The following GLIS3 variants were observed in gnomAD, a reference collection of about 807,000 sequenced individuals.
GLIS3 encodes GLIS family zinc finger 3.
Under a neutral mutation model 78.6 loss-of-function variants are expected in GLIS3, and 53 were observed. The observed-to-expected ratio is 0.67, with a 90% CI of 0.54 to 0.85. The LOEUF is 0.85. GLIS3 is among the 40% of genes least tolerant of loss of function. GLIS3 has a pLI of 0.00. For missense variants in GLIS3, 1,703 were observed against 1,231.1 expected, an observed-to-expected ratio of 1.38 and a Z score of -5.74; for synonymous variants, 684 against 509.9, an observed-to-expected ratio of 1.34 and a Z score of -4.60.
At chr9:4,259,366 G>C (rs924536564) in intron 2 of GLIS3, among the ~76,000 whole-genome samples, 1 of 151,926 alleles carries the variant, frequency 6.6e-6, no homozygotes, top group Non-Finnish European at 1.5e-5. Context: ...TTTACATATG[G>C]GGGATTGAAA....
chr9:4,109,424 G>C (rs1208227249), intron 4 of GLIS3, among the ~76,000 whole-genome samples: 1 of 152,166 alleles, frequency 6.6e-6, no homozygotes, highest in South Asian at 2.1e-4. Flanking sequence ...GTCTGCAACA[G>C]AAAATGCTTT....
the GLIS3 span, among the ~76,000 whole-genome samples, chr9:4,425,358 C>T: frequency 6.6e-6 from 1 of 152,182 alleles, no homozygotes; most frequent in Non-Finnish European, 1.5e-5. Flanking sequence ...CCAGCCTCTA[C>T]CACAGCTATT....
intron 4 of GLIS3, among the ~76,000 whole-genome samples, chr9:4,306,369 A>G (rs982721342): frequency 1.3e-5 from 2 of 152,182 alleles, no homozygotes; most frequent in Non-Finnish European, 2.9e-5. Context: ...ATTATGCAAG[A>G]GAAATTCCAT....
intron 4 of GLIS3, among the ~76,000 whole-genome samples, chr9:4,005,177 A>T (rs1010428440): frequency 9.2e-5 from 14 of 152,170 alleles, no homozygotes; most frequent in African/African-American, 3.4e-4. Flanking sequence ...GTTGTAAGAG[A>T]GTAAATTGGT....
chr9:4,392,188 G>C, the GLIS3 span, among the ~76,000 whole-genome samples: 6 of 151,356 alleles, frequency 4.0e-5, no homozygotes, highest in African/African-American at 7.3e-5. Flanking sequence ...ATCGCTGAAC[G>C]ATGAGAGCAC....
chr9:4,325,222 C>T (rs1314912799), intron 2 of GLIS3, among the ~76,000 whole-genome samples: 1 of 152,086 alleles, frequency 6.6e-6, no homozygotes, highest in Admixed American at 6.5e-5. Context: ...CATTTTTTCT[C>T]CTGTATGTTT....
intron 2 of GLIS3, among the ~76,000 whole-genome samples, chr9:4,234,301 A>G (rs1448184169): frequency 1.3e-5 from 2 of 152,188 alleles, no homozygotes; most frequent in East Asian, 3.9e-4. Flanking sequence ...TTAAAGTGAG[A>G]TATGTGCGAC....
At chr9:3,862,552 T>C (rs775178377) in intron 8 of GLIS3, among the ~76,000 whole-genome samples, 1 of 152,210 alleles carries the variant, frequency 6.6e-6, no homozygotes, top group African/African-American at 2.4e-5. Flanking sequence ...TACTAATAGA[T>C]TGTGTTACCA....
chr9:4,359,771 G>A, the GLIS3 span, among the ~76,000 whole-genome samples: 32 of 152,048 alleles, frequency 2.1e-4, no homozygotes, highest in Non-Finnish European at 1.5e-4. Context: ...GAACTGAGAG[G>A]TACACACTGC....
At chr9:4,101,054 C>T (rs138314285) in intron 4 of GLIS3, among the ~76,000 whole-genome samples, 429 of 152,276 alleles carry the variant, frequency 2.8e-3, no homozygotes, top group African/African-American at 8.9e-3. Context: ...AGCATCTTCA[C>T]GGAAGGCTGC....
the GLIS3 span, among the ~76,000 whole-genome samples, chr9:4,480,603 G>A: frequency 3.3e-5 from 5 of 152,098 alleles, no homozygotes; most frequent in Admixed American, 6.5e-5. Flanking sequence ...GAAGTGGAAC[G>A]TTACCACATT....
the GLIS3 span, among the ~76,000 whole-genome samples, chr9:4,368,560 C>G: frequency 1.3e-5 from 2 of 152,158 alleles, no homozygotes; most frequent in African/African-American, 4.8e-5. Context: ...ACCGTGTTAG[C>G]CAGGATGGTC....
chr9:3,829,689 C>G (rs559689218), intron 9 of GLIS3, among the ~76,000 whole-genome samples, 197 bp from the exon 10 acceptor site: 5 of 152,270 alleles, frequency 3.3e-5, no homozygotes, highest in Admixed American at 3.3e-4. Flanking sequence ...AGAGGAATTT[C>G]CAAGCTTGTT....
At chr9:4,480,103 C>T in the GLIS3 span, among the ~76,000 whole-genome samples, 2 of 151,656 alleles carry the variant, frequency 1.3e-5, no homozygotes, top group African/African-American at 4.8e-5. Flanking sequence ...ATGTTTTCAC[C>T]TCCTGCTGTG....
chr9:3,838,223 A>G lies in GLIS3; in HGVS notation c.2474-8731T>C, dbSNP rs576374403. ...GTACCTGGCATGTAGTAAGCATTCAATATGTATTTGTTGACTGAATAAATG... is the reference window on the plus strand; with the variant it reads ...GTACCTGGCATGTAGTAAGCATTCAGTATGTATTTGTTGACTGAATAAATG... On this transcript the variant is annotated intron_variant, in intron 9 of 10. Coordinates refer to ENST00000381971, the MANE Select transcript of GLIS3 (RefSeq NM_001042413.2). Among the ~76,000 whole-genome samples, 33 of 152,324 alleles carry G rather than the reference A, an allele frequency of 2.2e-4. No individual in the cohort carries two copies. The South Asian group carries it at 3.3e-3, about 15-fold the overall frequency.
In GLIS3 at chr9:4,091,738, T is replaced by C. The variant is rs953200410; in HGVS notation, c.1710+26030A>G. ...GTGTTTGCTTTCCCTTCTGCCATGA[T>C]TGTCAGTTTCCTGAGGCTTCCCCAG... On this transcript the variant is annotated intron_variant, in intron 4 of 10. Coordinates refer to ENST00000381971, the MANE Select transcript of GLIS3 (RefSeq NM_001042413.2). Among the ~76,000 whole-genome samples the C allele has an allele frequency of 3.3e-5, 5 of 152,278 alleles. No homozygotes were observed. The South Asian group carries it at 6.2e-4, about 19-fold the overall frequency.
At chr9:4,458,685 C>T in the GLIS3 span, among the ~76,000 whole-genome samples, 707 of 152,198 alleles carry the variant, frequency 4.6e-3, 5 homozygotes, top group Non-Finnish European at 7.4e-3. Context: ...CTACTCGGGA[C>T]TACTCGGGAG....
rs759211325 is a variant in GLIS3 at position 4,286,364 on chromosome 9, C to G, written c.62G>C (p.Arg21Thr). The stretch of plus-strand genomic sequence containing the variant: ...AGGAATGTGATGACCACTGACCATC[C>G]TAGGCCCCTGTGGGGTTCCCGATGT... ...HRTSGTPQGP[R>T]MVSGHHIPAI... The change falls in exon 2 of 11, where the codon AGG becomes ACG. Residue 21 changes from arginine (R) to threonine (T), a missense_variant. Coordinates refer to ENST00000381971, the MANE Select transcript of GLIS3 (RefSeq NM_001042413.2). 4.3e-6 allele frequency: 7 copies of G among 1,614,146 alleles called. No homozygotes were observed. In the Admixed American group the frequency reaches 1.2e-4, roughly 27 times the overall value.
intron 10 of GLIS3, among the ~76,000 whole-genome samples, chr9:3,829,109 C>T (rs945482793): frequency 6.6e-6 from 1 of 151,896 alleles, no homozygotes; most frequent in Non-Finnish European, 1.5e-5. Context: ...CATGATGGCT[C>T]CTGCACCAGG....
Sources: gnomAD v4.1 joint callset for allele counts (sites outside exome capture counted in the v4.1 genomes callset) on GRCh38, gnomAD v4.1.1 for gene constraint, MANE v1.5 for transcripts, NCBI Gene and HGNC (gene_info 2026-07-23, HGNC 2026-07-21) for gene names.